The following LEUTX variants were observed in gnomAD, a reference collection of about 807,000 sequenced individuals.
LEUTX encodes the protein leucine twenty homeobox, also known as paired-like homeodomain transcription factor LEUTX.
A neutral mutation model predicts 4.5 loss-of-function variants in LEUTX; 5 were observed. The ratio of observed to expected loss-of-function variants is 1.11; its 90% CI spans 0.58 to 2.34. The LOEUF is 2.34. LEUTX is among the 30% of genes most tolerant of loss of function. LEUTX has a pLI of 0.01. For missense variants in LEUTX, 233 were observed against 239.4 expected, an observed-to-expected ratio of 0.97 and a Z score of 0.18; for synonymous variants, 89 against 85.1, an observed-to-expected ratio of 1.05 and a Z score of -0.25.
At chr19:39,783,380 CA>C (rs1967917045) in intron 1 of LEUTX, among the ~76,000 whole-genome samples, 4 of 147,888 alleles carry the variant, frequency 2.7e-5, no homozygotes, top group Non-Finnish European at 5.9e-5. Context: ...CACACACACA[CA>C]CACCACAGCT....
chr19:39,783,734 T>C (rs773703295), intron 1 of LEUTX, among the ~76,000 whole-genome samples: 10 of 122,368 alleles, frequency 8.2e-5, no homozygotes, highest in Non-Finnish European at 2.0e-4. Flanking sequence ...TCATTTGTGA[T>C]GTTGAGCATT....
chr19:39,783,002 A>T (rs932189773), intron 1 of LEUTX, among the ~76,000 whole-genome samples: 2 of 151,876 alleles, frequency 1.3e-5, no homozygotes, highest in Non-Finnish European at 2.9e-5. Context: ...ACACTGCACC[A>T]TATTTGTAGT....
At chr19:39,779,246 T>G (rs941094252) in intron 1 of LEUTX, among the ~76,000 whole-genome samples, 3 of 152,112 alleles carry the variant, frequency 2.0e-5, no homozygotes, top group Non-Finnish European at 2.9e-5. Context: ...TGCCACCATG[T>G]CCCGCTAATT....
Position 39,785,702 on chromosome 19 carries a change from G to T in LEUTX, c.164G>T (p.Trp55Leu). 6.4e-7 allele frequency: 1 copy of T among 1,551,514 alleles called. No homozygotes were observed. The highest frequency in any genetic ancestry group is 1.2e-5 in the South Asian group (1 of 84,000). The change falls in exon 3 of 3, where the codon TGG becomes TTG. Residue 55 changes from tryptophan (W) to leucine (L), a missense_variant. By Grantham distance (61) the Trp-to-Leu change is moderately conservative. Transcript: ENST00000638280. ...LQLDLSVVKI[W>L]FKNQRAKWKR... ...TCCCCCCTCCTCCCTCCTTAGATCT[G>T]GTTCAAGAACCAGCGTGCCAAATGG...
chr19:39,785,016 TAA>T (rs1967943748), intron 2 of LEUTX, among the ~76,000 whole-genome samples: 1 of 152,160 alleles, frequency 6.6e-6, no homozygotes, highest in Admixed American at 6.5e-5. Context: ...GGGTTCTGCT[TAA>T]TCAGGACCAT....
At chr19:39,783,181 T>C (rs1967912569) in intron 1 of LEUTX, among the ~76,000 whole-genome samples, 3 of 150,870 alleles carry the variant, frequency 2.0e-5, no homozygotes, top group African/African-American at 7.3e-5. Context: ...GTCTCCAATC[T>C]AATCCAGGTT....
chr19:39,776,524 T>C (rs1242992882), upstream of LEUTX: 4 of 442,910 alleles, frequency 9.0e-6, no homozygotes, highest in East Asian at 7.0e-5. Context: ...GATGAGAAAG[T>C]AGGGAATGAG....
chr19:39,786,072 C>T lies in LEUTX; in HGVS notation c.534C>T (p.Ser178=). The T allele has an allele frequency of 6.5e-7, 1 of 1,550,032 alleles. No individual in the cohort carries two copies. The highest frequency in any genetic ancestry group is 1.2e-5 in the South Asian group (1 of 83,766). ...IYDLPGEDDT[S]SLNQYLFPVC... is the part of the protein sequence containing the mutation. Reference sequence around the variant, plus strand: ...ACTTGCCAGGGGAAGATGACACCAGCAGCCTAAATCAATATCTTTTTCCAG... The same window carrying T: ...ACTTGCCAGGGGAAGATGACACCAGTAGCCTAAATCAATATCTTTTTCCAG... The change falls in exon 3 of 3, where the codon AGC becomes AGT. Residue 178 remains serine, a synonymous_variant. Transcript: ENST00000638280.
At chr19:39,785,315 G>A (rs1375110402) in intron 2 of LEUTX, among the ~76,000 whole-genome samples, 3 of 152,130 alleles carry the variant, frequency 2.0e-5, no homozygotes, top group Non-Finnish European at 2.9e-5. Context: ...GCACATGGCT[G>A]TAGTCCCAGC....
At chr19:39,783,190 T>C (rs965075930) in intron 1 of LEUTX, among the ~76,000 whole-genome samples, 37 of 150,450 alleles carry the variant, frequency 2.5e-4, no homozygotes, top group African/African-American at 8.5e-4. Context: ...CTAATCCAGG[T>C]TGTTACAAAT....
chr19:39,779,662 CATT>C (rs1599615944), intron 1 of LEUTX, among the ~76,000 whole-genome samples: 1 of 152,110 alleles, frequency 6.6e-6, no homozygotes, highest in African/African-American at 2.4e-5. Context: ...TAAAAGTTGT[CATT>C]GTGATATTTA....
At chr19:39,778,351 T>C (rs1967830561), upstream of LEUTX, among the ~76,000 whole-genome samples, 1 of 152,188 alleles carries the variant, frequency 6.6e-6, no homozygotes, top group African/African-American at 2.4e-5. Context: ...CTCTGCCAAG[T>C]TCTTCACTGT....
rs756551438 is a variant in LEUTX, at chr19:39,782,565, A to G, written c.8-1962A>G. Among the ~76,000 whole-genome samples the G allele has an allele frequency of 1.1e-4, 16 of 152,298 alleles. No homozygotes were observed. In the Middle Eastern group the frequency reaches 0.01, roughly 97 times the overall value. On this transcript the variant is annotated intron_variant, in intron 1 of 2. Coordinates refer to ENST00000638280, the MANE Select transcript of LEUTX (RefSeq NM_001382345.1). The stretch of plus-strand genomic sequence containing the variant: ...GTATGTCTTTATTAGCAGCATGAGA[A>G]ACAGAAAGATGTCCCCAAGTTGCTA...
upstream of LEUTX, among the ~76,000 whole-genome samples, chr19:39,778,041 C>T (rs981845540): frequency 1.4e-4 from 22 of 151,914 alleles, no homozygotes; most frequent in African/African-American, 5.1e-4. Context: ...TGTGGGGAGG[C>T]CATATCTCAT....
upstream of LEUTX, among the ~76,000 whole-genome samples, chr19:39,777,558 C>T (rs1036487346): frequency 2.0e-5 from 3 of 152,196 alleles, no homozygotes; most frequent in Non-Finnish European, 1.5e-5. Flanking sequence ...GGGACTGATT[C>T]TAACATTTAA....
chr19:39,783,051 TC>T (rs1237982434), intron 1 of LEUTX, among the ~76,000 whole-genome samples: 1 of 151,350 alleles, frequency 6.6e-6, no homozygotes, highest in African/African-American at 2.4e-5. Context: ...TTCCCCCGAA[TC>T]CCCAAAGTCC....
intron 1 of LEUTX, among the ~76,000 whole-genome samples, chr19:39,779,294 C>T (rs1967849453): frequency 6.6e-6 from 1 of 152,064 alleles, no homozygotes; most frequent in African/African-American, 2.4e-5. Context: ...CACTCTGTTG[C>T]CTAAGGTCGT....
intron 1 of LEUTX, among the ~76,000 whole-genome samples, chr19:39,779,745 G>A (rs1176466354): frequency 6.6e-6 from 1 of 152,174 alleles, no homozygotes; most frequent in Non-Finnish European, 1.5e-5. Context: ...TGGGCATGGT[G>A]GCTCACACCT....
chr19:39,777,684 G>A (rs1967815854), upstream of LEUTX, among the ~76,000 whole-genome samples: 1 of 152,140 alleles, frequency 6.6e-6, no homozygotes, highest in Non-Finnish European at 1.5e-5. Context: ...ATGGGGCCAG[G>A]TGCAATGGCT....
Sources: gnomAD v4.1 joint callset for allele counts (sites outside exome capture counted in the v4.1 genomes callset) on GRCh38, gnomAD v4.1.1 for gene constraint, MANE v1.5 for transcripts, NCBI Gene and HGNC (gene_info 2026-07-23, HGNC 2026-07-21) for gene names.